The following SYT6 variants were observed in gnomAD, a reference collection of about 807,000 sequenced individuals.
The protein encoded by SYT6 is synaptotagmin-6.
Under a neutral mutation model 38.4 loss-of-function variants are expected in SYT6, and 24 were observed. The ratio of observed to expected loss-of-function variants is 0.62; its 90% CI spans 0.45 to 0.88. The LOEUF (loss-of-function observed/expected upper bound fraction) is 0.88. SYT6 is among the 40% of genes least tolerant of loss of function. The pLI, the probability that SYT6 is intolerant of heterozygous loss-of-function variation, is 0.00. For missense variants in SYT6, 611 were observed against 621.0 expected, an observed-to-expected ratio of 0.98 and a Z score of 0.17; for synonymous variants, 265 against 241.9, an observed-to-expected ratio of 1.10 and a Z score of -0.89.
chr1:114,112,396 C>A (rs1242093404), intron 3 of SYT6, among the ~76,000 whole-genome samples: 1 of 152,234 alleles, frequency 6.6e-6, no homozygotes, highest in Non-Finnish European at 1.5e-5. Flanking sequence ...ATTTAGGAAA[C>A]TTTTTCTCAG....
chr1:114,098,214 C>G (rs1439043625), intron 5 of SYT6, among the ~76,000 whole-genome samples: 1 of 152,200 alleles, frequency 6.6e-6, no homozygotes. Context: ...ACTGAGACAT[C>G]AGTATTTGCA....
chr1:114,093,618 C>T (rs1675448592), intron 7 of SYT6, 117 bp downstream of exon 7: 8 of 938,860 alleles, frequency 8.5e-6, no homozygotes, highest in Non-Finnish European at 1.3e-5. Context: ...TAACACCCAA[C>T]CAAGTGTTCT....
chr1:114,142,088 C>T (rs1262697876), intron 1 of SYT6, among the ~76,000 whole-genome samples: 1 of 152,166 alleles, frequency 6.6e-6, no homozygotes, highest in Non-Finnish European at 1.5e-5. Context: ...ATTCTGCAGC[C>T]CATGGATCAA....
In SYT6 at chr1:114,137,649, T is replaced by C; in HGVS notation, c.917A>G (p.Glu306Gly). ...ENFHFPVPYE[E>G]LADRKLHLSV... ...GAGATGCAGCTTGCGGTCAGCCAGC[T>C]CCTCATAGGGCACAGGGAAGTGGAA... The change falls in exon 3 of 8, where the codon GAG becomes GGG. Residue 306 changes from glutamate to glycine, a missense_variant. Physicochemically the swap from Glu to Gly is moderately conservative, Grantham distance 98. Coordinates refer to ENST00000610222, the MANE Select transcript of SYT6 (RefSeq NM_001253772.2). The C allele has an allele frequency of 1.9e-6, 3 of 1,614,134 alleles. No homozygotes were observed. Among genetic ancestry groups the C allele is most frequent in the Non-Finnish European group, 2.5e-6 (3 of 1,180,030 alleles).
At chr1:114,148,037 C>T (rs1679243668) in intron 1 of SYT6, among the ~76,000 whole-genome samples, 1 of 152,168 alleles carries the variant, frequency 6.6e-6, no homozygotes, top group Non-Finnish European at 1.5e-5. Context: ...GTTGAGATCC[C>T]CTTCAAGGCC....
intron 1 of SYT6, among the ~76,000 whole-genome samples, chr1:114,146,057 C>G (rs1679141143): frequency 6.6e-6 from 1 of 152,046 alleles, no homozygotes; most frequent in Admixed American, 6.6e-5. Flanking sequence ...TATATGAGAC[C>G]AGGAGGCCCG....
intron 5 of SYT6, 108 bp from the exon 6 acceptor site, chr1:114,097,985 T>C: frequency 7.9e-7 from 1 of 1,271,044 alleles, no homozygotes; most frequent in East Asian, 2.4e-5. Context: ...AACTCAGAAC[T>C]CTGAGCTCTG....
At chr1:114,100,596 G>A (rs1466301246) in intron 4 of SYT6, among the ~76,000 whole-genome samples, 2 of 152,058 alleles carry the variant, frequency 1.3e-5, no homozygotes, top group Non-Finnish European at 2.9e-5. Flanking sequence ...AGATGAGGTT[G>A]GGTTTATGGA....
In SYT6 at chr1:114,099,210, T is replaced by C. The variant is rs1471766401; in HGVS notation, c.1248A>G (p.Lys416=). The C allele has an allele frequency of 6.2e-7, 1 of 1,614,136 alleles. No homozygotes were observed. The change falls in exon 5 of 8, where the codon AAA becomes AAG. Residue 416 remains lysine (K), a synonymous_variant. Coordinates refer to ENST00000610222, the MANE Select transcript of SYT6 (RefSeq NM_001253772.2). ...TGAGAGTGTTTTTCTTTATGGTTGT[T>C]TTCTTCTTCTTCAGCCTCCGCCCAT... ...LCDGRRLKKK[K]TTIKKNTLNP... is the part of the protein sequence containing the mutation.
chr1:114,103,754 G>C, intron 3 of SYT6, 33 bp from the exon 4 acceptor site: 1 of 1,604,716 alleles, frequency 6.2e-7, no homozygotes, highest in Non-Finnish European at 8.5e-7. Flanking sequence ...GCAGATGAGG[G>C]GCTTGCAGAC....
At chr1:114,098,001 A>G in intron 5 of SYT6, 124 bp from the exon 6 acceptor site, 1 of 1,144,418 alleles carries the variant, frequency 8.7e-7, no homozygotes. Flanking sequence ...CTCTGAAAAC[A>G]GATGCTTGGC....
intron 3 of SYT6, among the ~76,000 whole-genome samples, chr1:114,134,060 G>A (rs1678334918): frequency 6.6e-6 from 1 of 152,206 alleles, no homozygotes; most frequent in African/African-American, 2.4e-5. Flanking sequence ...GAGCAACACA[G>A]GCAGCATTCA....
intron 6 of SYT6, 140 bp downstream of exon 6, chr1:114,097,587 A>G: frequency 9.5e-7 from 1 of 1,051,200 alleles, no homozygotes; most frequent in Non-Finnish European, 1.4e-6. Flanking sequence ...CTTTTGGCCT[A>G]TTACACACTG....
chr1:114,129,651 C>T (rs972447418), intron 3 of SYT6, among the ~76,000 whole-genome samples: 13 of 66,656 alleles, frequency 2.0e-4, no homozygotes, highest in African/African-American at 7.1e-4. Context: ...CTCTTTCTTT[C>T]TTTTTCTTTC....
chr1:114,096,038 C>G (rs1675621768), intron 6 of SYT6, among the ~76,000 whole-genome samples: 1 of 151,998 alleles, frequency 6.6e-6, no homozygotes, highest in Non-Finnish European at 1.5e-5. Context: ...CTAAGCCACC[C>G]TAAACAGTTT....
chr1:114,126,683 C>T (rs368931100), intron 3 of SYT6, among the ~76,000 whole-genome samples: 1 of 152,242 alleles, frequency 6.6e-6, no homozygotes, highest in East Asian at 1.9e-4. Context: ...AATGATTTCC[C>T]ATTCATCCTC....
At chr1:114,098,576 A>G (rs1675785354) in intron 5 of SYT6, among the ~76,000 whole-genome samples, 1 of 152,222 alleles carries the variant, frequency 6.6e-6, no homozygotes, top group Non-Finnish European at 1.5e-5. Context: ...TCAGAGTCCA[A>G]GGGAAAAGCC....
chr1:114,151,303 G>C (rs958636622), intron 1 of SYT6, among the ~76,000 whole-genome samples: 1 of 152,062 alleles, frequency 6.6e-6, no homozygotes, highest in Non-Finnish European at 1.5e-5. Context: ...GGGCTTCCTG[G>C]GACTTGTGAC....
intron 4 of SYT6, among the ~76,000 whole-genome samples, chr1:114,100,403 C>G (rs1329546604): frequency 6.6e-6 from 1 of 152,210 alleles, no homozygotes; most frequent in Non-Finnish European, 1.5e-5. Context: ...ATCGAGCACC[C>G]ACTAGGGCCC....
Sources: gnomAD v4.1 joint callset for allele counts (sites outside exome capture counted in the v4.1 genomes callset) on GRCh38, gnomAD v4.1.1 for gene constraint, MANE v1.5 for transcripts, NCBI Gene and HGNC (gene_info 2026-07-23, HGNC 2026-07-21) for gene names.